PHACTR1: variants seen among roughly 807,000 people sequenced by gnomAD.
PHACTR1 encodes the protein RPEL repeat containing 1.
PHACTR1 carries 16 observed loss-of-function variants against 69.2 expected under a neutral mutation model. That is an observed-to-expected ratio of 0.23 (90% CI 0.16 to 0.35). The LOEUF is 0.35. Among genes scored for constraint, PHACTR1 ranks in the 10% least tolerant of loss-of-function variants. The pLI is 1.00. For missense variants in PHACTR1, 510 were observed against 734.7 expected (o/e 0.69, Z 3.54); for synonymous variants, 312 against 284.5 (o/e 1.10, Z -0.97).
intron 4 of PHACTR1, among the ~76,000 whole-genome samples, chr6:12,860,070 G>A (rs1054661313): frequency 1.3e-5 from 2 of 151,704 alleles, no homozygotes; most frequent in South Asian, 4.2e-4. Context: ...TGTTACATAG[G>A]TATACATGTG....
Position 13,160,140 on chromosome 6 carries a change from A to C in PHACTR1, c.416-64A>C, listed in dbSNP as rs1464318357. Reference sequence around the variant, plus strand: ...ACATTGCCATATGTGTTAACATAGGATCCTTTAGAAGACAACTTTGTTACC... The same window carrying C: ...ACATTGCCATATGTGTTAACATAGGCTCCTTTAGAAGACAACTTTGTTACC... On this transcript the variant is annotated intron_variant, in intron 5 of 14. Transcript: ENST00000332995. The C allele has an allele frequency of 3.6e-6, 5 of 1,398,650 alleles. No homozygotes were observed. In the East Asian group the frequency reaches 1.1e-4, roughly 32 times the overall value. The allele number at this position is 1,398,650 out of a possible 1,614,324, so 86.6% of individuals were successfully genotyped here. A position where few individuals can be genotyped will look rare whatever the true frequency, so the allele number is the denominator to read the frequency against.
chr6:13,251,688 CTCTT>C (rs1774425620), intron 10 of PHACTR1, among the ~76,000 whole-genome samples: 1 of 152,198 alleles, frequency 6.6e-6, no homozygotes, highest in Non-Finnish European at 1.5e-5. Flanking sequence ...AATTCAGCCT[CTCTT>C]TGAGTCTCCT....
intron 4 of PHACTR1, among the ~76,000 whole-genome samples, chr6:12,776,115 A>G (rs1770027731): frequency 6.6e-6 from 1 of 152,212 alleles, no homozygotes. Flanking sequence ...TAAAACGCAT[A>G]TAATATTTAA....
intron 4 of PHACTR1, among the ~76,000 whole-genome samples, chr6:12,869,685 A>G (rs553019732): frequency 1.3e-5 from 2 of 152,188 alleles, no homozygotes; most frequent in Admixed American, 1.3e-4. Flanking sequence ...TGTCCTTCAC[A>G]GTCTCTATTC....
At chr6:12,728,698 A>G (rs1208286434) in intron 3 of PHACTR1, among the ~76,000 whole-genome samples, 1 of 152,242 alleles carries the variant, frequency 6.6e-6, no homozygotes. Flanking sequence ...GGTATGATAT[A>G]TAATTTTCAG....
At chr6:12,974,361 C>T (rs1562078869) in intron 4 of PHACTR1, among the ~76,000 whole-genome samples, 1 of 152,198 alleles carries the variant, frequency 6.6e-6, no homozygotes, top group South Asian at 2.1e-4. Flanking sequence ...TTGTTCTCTT[C>T]TTACACTCAG....
intron 4 of PHACTR1, among the ~76,000 whole-genome samples, chr6:12,785,387 C>T (rs902202946): frequency 5.3e-5 from 8 of 152,288 alleles, no homozygotes; most frequent in East Asian, 3.9e-4. Context: ...TTGACACATA[C>T]GGATAGGCAG....
chr6:12,780,946 T>A (rs928279812), intron 4 of PHACTR1, among the ~76,000 whole-genome samples: 1 of 152,154 alleles, frequency 6.6e-6, no homozygotes, highest in Non-Finnish European at 1.5e-5. Context: ...CAGCTCTCCT[T>A]TCCTCTCTCT....
intron 5 of PHACTR1, 48 bp from the exon 6 acceptor site, chr6:13,160,156 C>T (rs1229926672): frequency 1.3e-6 from 2 of 1,532,012 alleles, no homozygotes; most frequent in Admixed American, 1.7e-5. Flanking sequence ...TAGAAGACAA[C>T]TTTGTTACCT....
At chr6:13,200,160 T>C (rs1358461918) in intron 7 of PHACTR1, among the ~76,000 whole-genome samples, 2 of 152,198 alleles carry the variant, frequency 1.3e-5, no homozygotes, top group African/African-American at 4.8e-5. Context: ...CCAAGCGATT[T>C]AGCACCCTGA....
Position 13,272,922 on chromosome 6 carries a change from G to T in PHACTR1, c.1447+7G>T. ...CAGAGGAACATTTTGAAACGTAAGT[G>T]ACTAAGCCCATGGCAATCCCTGATG... On this transcript the variant is annotated splice_region_variant and intron_variant, in intron 11 of 14. Coordinates refer to ENST00000332995, the MANE Select transcript of PHACTR1 (RefSeq NM_030948.6). 1 of 1,614,010 alleles carries T rather than the reference G, an allele frequency of 6.2e-7. No individual in the cohort carries two copies. The highest frequency in any genetic ancestry group is 8.5e-7 in the Non-Finnish European group (1 of 1,179,890).
chr6:12,913,353 A>G (rs1786617367), intron 4 of PHACTR1, among the ~76,000 whole-genome samples: 2 of 151,818 alleles, frequency 1.3e-5, no homozygotes, highest in Non-Finnish European at 2.9e-5. Context: ...AAGTCCCACG[A>G]CCCCGTTGCT....
chr6:12,793,699 GT>G (rs1328489484), intron 4 of PHACTR1, among the ~76,000 whole-genome samples: 8 of 152,170 alleles, frequency 5.3e-5, no homozygotes, highest in Non-Finnish European at 1.2e-4. Context: ...AATTAGTGGT[GT>G]TTTAACCATA....
chr6:13,183,790 T>A (rs78660406), intron 7 of PHACTR1, among the ~76,000 whole-genome samples: 1 of 152,200 alleles, frequency 6.6e-6, no homozygotes, highest in South Asian at 2.1e-4. Context: ...CTTGTGACAC[T>A]GAAGTCAGAT....
At chr6:12,739,911 T>C (rs995878214) in intron 3 of PHACTR1, among the ~76,000 whole-genome samples, 4 of 152,240 alleles carry the variant, frequency 2.6e-5, no homozygotes, top group Admixed American at 6.5e-5. Flanking sequence ...CTTGAACTTT[T>C]ACAAAAGTTA....
intron 4 of PHACTR1, among the ~76,000 whole-genome samples, chr6:13,018,056 A>G (rs1800435868): frequency 6.6e-6 from 1 of 152,212 alleles, no homozygotes; most frequent in Admixed American, 6.5e-5. Flanking sequence ...GATTAGAAAC[A>G]TTTAGCATAT....
chr6:12,742,899 A>C (rs188568730), intron 3 of PHACTR1, among the ~76,000 whole-genome samples: 17 of 152,328 alleles, frequency 1.1e-4, no homozygotes, highest in Non-Finnish European at 1.8e-4. Flanking sequence ...GAAAATATTC[A>C]GTAAGCTTAT....
intron 4 of PHACTR1, among the ~76,000 whole-genome samples, chr6:13,034,156 T>A (rs1385925681): frequency 6.6e-6 from 1 of 152,150 alleles, no homozygotes. Flanking sequence ...TAGCTGGGAC[T>A]ACAGGCGCCC....
chr6:13,248,738 A>C (rs1325821326), intron 10 of PHACTR1, among the ~76,000 whole-genome samples: 1 of 152,146 alleles, frequency 6.6e-6, no homozygotes, highest in African/African-American at 2.4e-5. Flanking sequence ...TAAGTGGAGG[A>C]ACTCACAGCT....
Sources: allele counts gnomAD v4.1 joint callset (sites outside exome capture counted in the v4.1 genomes callset), GRCh38; gene constraint gnomAD v4.1.1; transcripts MANE v1.5; gene names NCBI Gene and HGNC (gene_info 2026-07-23, HGNC 2026-07-21).